Variants in ERC2 observed in about 807,000 individuals in gnomAD.
ERC2 encodes ELKS/RAB6-interacting/CAST family member 2, also known as ERC protein 2.
ERC2 carries 42 observed loss-of-function variants against 114.8 expected under a neutral mutation model. The observed-to-expected ratio is 0.37, with a 90% CI of 0.29 to 0.47. ERC2 has a LOEUF of 0.47. Ranked by LOEUF, ERC2 falls within the 20% of genes least tolerant of loss-of-function variation. ERC2 has a pLI of 0.99. For missense variants in ERC2, 939 were observed against 1,150.7 expected (o/e 0.82, Z 2.66); for synonymous variants, 454 against 425.5 (o/e 1.07, Z -0.82).
intron 17 of ERC2, among the ~76,000 whole-genome samples, chr3:55,526,724 C>G (rs554857554): frequency 6.6e-6 from 1 of 152,338 alleles, no homozygotes; most frequent in South Asian, 2.1e-4. Flanking sequence ...CTCTGGCAGG[C>G]AGCATCACAG....
chr3:55,515,436 C>T (rs1175170077), intron 17 of ERC2, among the ~76,000 whole-genome samples: 4 of 152,022 alleles, frequency 2.6e-5, no homozygotes, highest in Non-Finnish European at 5.9e-5. Flanking sequence ...GGCGCAATCT[C>T]GGCTCACTGC....
intron 14 of ERC2, among the ~76,000 whole-genome samples, chr3:55,799,478 T>TATATATATA (rs2070866316): frequency 1.2e-5 from 1 of 85,298 alleles, no homozygotes; most frequent in African/African-American, 5.4e-5. Flanking sequence ...TATATATGCC[T>TATATATATA]TATCTATCAC....
intron 7 of ERC2, among the ~76,000 whole-genome samples, chr3:56,056,966 A>C (rs2076044459): frequency 6.6e-6 from 1 of 152,190 alleles, no homozygotes; most frequent in South Asian, 2.1e-4. Context: ...TATGGGGGCA[A>C]CTAAGGTTGA....
intron 15 of ERC2, among the ~76,000 whole-genome samples, chr3:55,733,910 C>T (rs1241551675): frequency 6.6e-6 from 1 of 152,222 alleles, no homozygotes; most frequent in Non-Finnish European, 1.5e-5. Flanking sequence ...GGCCATAAAC[C>T]ATTGAGCTGA....
chr3:55,880,013 A>G (rs1220763699), intron 14 of ERC2, among the ~76,000 whole-genome samples: 2 of 152,224 alleles, frequency 1.3e-5, no homozygotes, highest in Admixed American at 1.3e-4. Flanking sequence ...CAGTGCTTGC[A>G]CATAGCAGAT....
intron 14 of ERC2, among the ~76,000 whole-genome samples, chr3:55,774,456 G>A (rs2068452843): frequency 2.6e-5 from 4 of 152,230 alleles, no homozygotes; most frequent in Admixed American, 2.6e-4. Context: ...TTATGATGCT[G>A]CAATCTTCCC....
intron 14 of ERC2, among the ~76,000 whole-genome samples, chr3:55,810,639 C>T (rs1347806810): frequency 5.9e-5 from 9 of 152,072 alleles, no homozygotes; most frequent in Admixed American, 5.9e-4. Context: ...TTTGAACTTT[C>T]AGTAGAGACA....
Position 56,428,668 on chromosome 3 carries a change from A to T in ERC2, c.657+5683T>A, listed in dbSNP as rs2061672933. ...ATCCATCTCGATCTTTTCAAATTTC[A>T]TGTTCAAAATAAGAATCAATAAATC... On this transcript the variant is annotated intron_variant, in intron 2 of 17. Coordinates refer to ENST00000288221, the MANE Select transcript of ERC2 (RefSeq NM_015576.3). 2.0e-5 allele frequency among the ~76,000 whole-genome samples: 3 copies of T among 152,238 alleles called. No individual in the cohort carries two copies. In the South Asian group the frequency reaches 6.2e-4, roughly 31 times the overall value.
At chr3:55,969,392 T>TAAACAC (rs1156752893) in intron 12 of ERC2, among the ~76,000 whole-genome samples, 29 of 140,688 alleles carry the variant, frequency 2.1e-4, no homozygotes, top group African/African-American at 7.3e-4. Context: ...TTTATACACA[T>TAAACAC]ACACACACAC....
intron 1 of ERC2, among the ~76,000 whole-genome samples, chr3:56,464,836 C>T (rs150486869): frequency 3.3e-4 from 50 of 150,442 alleles, no homozygotes; most frequent in East Asian, 2.3e-3. Flanking sequence ...AGATGCCCCA[C>T]GGACCAGCCA....
At chr3:56,274,286 T>C (rs1228638761) in intron 3 of ERC2, among the ~76,000 whole-genome samples, 3 of 152,144 alleles carry the variant, frequency 2.0e-5, no homozygotes, top group African/African-American at 7.2e-5. Context: ...TGAAACAGCT[T>C]CATCTTGAAA....
chr3:55,952,168 C>CT lies in ERC2; in HGVS notation c.2268-1609_2268-1608insA, dbSNP rs1218868491. Among the ~76,000 whole-genome samples the CT allele has an allele frequency of 8.5e-3, 596 of 70,270 alleles. 14 individuals carry two copies. Among genetic ancestry groups the CT allele is most frequent in the Middle Eastern group, 0.032 (4 of 126 alleles). The allele number at this position is 70,270 out of a possible 152,430, so 46.1% of individuals were successfully genotyped here. On this transcript the variant is annotated intron_variant, in intron 12 of 17. Coordinates refer to ENST00000288221, the MANE Select transcript of ERC2 (RefSeq NM_015576.3). ...ACACACACACACACACACACACACA[C>CT]ACACACACACACTCTCTCTCTCTCT...
chr3:55,737,846 G>A (rs192889250), intron 14 of ERC2, among the ~76,000 whole-genome samples: 2 of 152,070 alleles, frequency 1.3e-5, no homozygotes, highest in African/African-American at 2.4e-5. Context: ...AGACAGAGGT[G>A]GTATTTCTTT....
intron 14 of ERC2, among the ~76,000 whole-genome samples, chr3:55,767,059 C>T (rs192615801): frequency 8.4e-4 from 128 of 152,282 alleles, no homozygotes; most frequent in East Asian, 2.9e-3. Context: ...GGTCCTGTAA[C>T]GGGCATCAGT....
chr3:56,312,545 A>T (rs2056640819), intron 2 of ERC2, among the ~76,000 whole-genome samples: 1 of 152,230 alleles, frequency 6.6e-6, no homozygotes, highest in Non-Finnish European at 1.5e-5. Flanking sequence ...TTTGATCATT[A>T]CACATTCTAT....
intron 2 of ERC2, among the ~76,000 whole-genome samples, chr3:56,389,171 T>A (rs552149071): frequency 9.8e-4 from 149 of 152,240 alleles, no homozygotes; most frequent in African/African-American, 3.3e-3. Context: ...GCTGTTAGGT[T>A]GAAAGTATTG....
intron 1 of ERC2, among the ~76,000 whole-genome samples, chr3:56,452,937 T>A (rs976106675): frequency 2.6e-5 from 4 of 152,330 alleles, no homozygotes; most frequent in East Asian, 1.9e-4. Context: ...CTCATTGTGT[T>A]GTTTTCTTAC....
chr3:56,146,134 C>CA (rs2081119059), intron 5 of ERC2, among the ~76,000 whole-genome samples: 1 of 151,856 alleles, frequency 6.6e-6, no homozygotes, highest in Non-Finnish European at 1.5e-5. Context: ...CAAAAAAATA[C>CA]AAAAAATAGC....
chr3:56,067,279 T>C (rs1288000804), intron 7 of ERC2, among the ~76,000 whole-genome samples: 1 of 152,176 alleles, frequency 6.6e-6, no homozygotes, highest in African/African-American at 2.4e-5. Flanking sequence ...ACATCCCTTG[T>C]TAGCTGTTTC....
Sources: allele counts gnomAD v4.1 joint callset (sites outside exome capture counted in the v4.1 genomes callset), GRCh38; gene constraint gnomAD v4.1.1; transcripts MANE v1.5; gene names NCBI Gene and HGNC (gene_info 2026-07-23, HGNC 2026-07-21).